Variants in SHISAL1 observed in about 807,000 individuals in gnomAD.
SHISAL1 encodes the protein protein shisa-like-1.
In SHISAL1, 9 loss-of-function variants were observed where a neutral mutation model predicts 22.6. The observed-to-expected ratio is 0.40, with a 90% CI of 0.24 to 0.70. SHISAL1 has a LOEUF of 0.70. Ranked by LOEUF, SHISAL1 falls within the 30% of genes least tolerant of loss-of-function variation. SHISAL1 has a pLI of 0.39. For synonymous variants in SHISAL1, 119 were observed against 115.4 expected, an observed-to-expected ratio of 1.03 and a Z score of -0.20; for missense variants, 246 against 270.6, an observed-to-expected ratio of 0.91 and a Z score of 0.64.
At chr22:44,252,372 A>G (rs2055053884) in intron 4 of SHISAL1, among the ~76,000 whole-genome samples, 1 of 152,186 alleles carries the variant, frequency 6.6e-6, no homozygotes, top group Non-Finnish European at 1.5e-5. Flanking sequence ...AATGTTGTCT[A>G]GAGAAATAAA....
intron 3 of SHISAL1, 74 bp downstream of exon 3, chr22:44,296,598 G>T: frequency 1.5e-6 from 2 of 1,367,696 alleles, no homozygotes; most frequent in East Asian, 4.6e-5. Context: ...CTCCCTAGGG[G>T]ACGCGATTTT....
At chr22:44,287,322 C>A (rs1030487408) in intron 3 of SHISAL1, among the ~76,000 whole-genome samples, 2 of 152,206 alleles carry the variant, frequency 1.3e-5, no homozygotes, top group African/African-American at 4.8e-5. Flanking sequence ...AGGGCTGAGC[C>A]CAGGGCCGGG....
chr22:44,315,185 A>G (rs575122224), upstream of SHISAL1, among the ~76,000 whole-genome samples: 6 of 152,334 alleles, frequency 3.9e-5, no homozygotes, highest in African/African-American at 1.4e-4. Context: ...ACCAGGAAGC[A>G]GGCAGAGACA....
intron 3 of SHISAL1, among the ~76,000 whole-genome samples, chr22:44,292,055 A>G (rs1451830356): frequency 1.3e-5 from 2 of 152,130 alleles, no homozygotes; most frequent in Non-Finnish European, 2.9e-5. Context: ...CCTTCCTGCC[A>G]GGCAGCCAGA....
rs550680738 is a variant in SHISAL1 at position 44,281,769 on chromosome 22, A to G, written c.599+3659T>C. 7.9e-5 allele frequency among the ~76,000 whole-genome samples: 12 copies of G among 152,312 alleles called. No homozygotes were observed. In the East Asian group the frequency reaches 1.9e-3, roughly 24 times the overall value. On this transcript the variant is annotated intron_variant, in intron 4 of 4. Coordinates refer to ENST00000381176, the MANE Select transcript of SHISAL1 (RefSeq NM_001099294.2). ...AGAGAATCTGAGCAAGAAACTTCAC[A>G]GTCTGAGTTCAGTAGCTACTAAGCG...
chr22:44,328,963 T>C, the SHISAL1 span, among the ~76,000 whole-genome samples: 2 of 152,002 alleles, frequency 1.3e-5, no homozygotes, highest in Non-Finnish European at 2.9e-5. Flanking sequence ...GCCCAGAACA[T>C]CTCCCCCTTC....
chr22:44,322,096 C>T, the SHISAL1 span, among the ~76,000 whole-genome samples: 1 of 152,242 alleles, frequency 6.6e-6, no homozygotes, highest in Non-Finnish European at 1.5e-5. Flanking sequence ...GAACAGAAGC[C>T]ACCAGGTCCA....
At chr22:44,296,979 CCTG>C in intron 2 of SHISAL1, 94 bp from the exon 3 acceptor site, 1 of 921,344 alleles carries the variant, frequency 1.1e-6, no homozygotes, top group Non-Finnish European at 1.7e-6. Context: ...TCAGGTCCTG[CCTG>C]CTTCTTCCCT....
At chr22:44,284,017 GC>G (rs2055294230) in intron 4 of SHISAL1, among the ~76,000 whole-genome samples, 2 of 152,028 alleles carry the variant, frequency 1.3e-5, no homozygotes. Context: ...ATCCCCCAGA[GC>G]CTGGCACAAA....
At chr22:44,249,746 T>C in intron 4 of SHISAL1, 61 bp from the exon 5 acceptor site, 1 of 777,024 alleles carries the variant, frequency 1.3e-6, no homozygotes. Flanking sequence ...GACATTTCTC[T>C]CTGGCCTCAG....
At chr22:44,258,312 C>T (rs561009551) in intron 4 of SHISAL1, among the ~76,000 whole-genome samples, 1 of 133,854 alleles carries the variant, frequency 7.5e-6, no homozygotes, top group African/African-American at 2.5e-5. Flanking sequence ...GTCTCAAAAA[C>T]AAACAAACTT....
At chr22:44,263,079 CTTTTT>C (rs922017518) in intron 4 of SHISAL1, among the ~76,000 whole-genome samples, 20 of 88,270 alleles carry the variant, frequency 2.3e-4, no homozygotes, top group South Asian at 1.5e-3. Flanking sequence ...TTCTTTCTTT[CTTTTT>C]TTTTTTTTTT....
intron 4 of SHISAL1, among the ~76,000 whole-genome samples, chr22:44,283,444 T>C (rs946692219): frequency 6.6e-6 from 1 of 152,064 alleles, no homozygotes; most frequent in Non-Finnish European, 1.5e-5. Flanking sequence ...TGTGTGCTTG[T>C]TGGGGAAAAG....
At chr22:44,274,043 C>T (rs2055222119) in intron 4 of SHISAL1, among the ~76,000 whole-genome samples, 1 of 151,310 alleles carries the variant, frequency 6.6e-6, no homozygotes, top group African/African-American at 2.4e-5. Context: ...CATAGTGAAC[C>T]TCCCGGCCCC....
In SHISAL1 at chr22:44,245,667, G is replaced by T. The variant is rs1423532447; in HGVS notation, c.*4018C>A. 5 of 152,288 alleles carry T rather than the reference G, an allele frequency of 3.3e-5. No homozygotes were observed. In the East Asian group the frequency reaches 7.7e-4, roughly 24 times the overall value. 9.4% of individuals were successfully genotyped at this position (152,288 alleles called of 1,614,324 possible). ...TGAGCCAACCTGGACAGCGGCCTGT[G>T]GGGGAGTCAGTGCCAAGCACAGCCA... On this transcript the variant is annotated 3_prime_UTR_variant, in exon 5 of 5. Coordinates refer to ENST00000381176, the MANE Select transcript of SHISAL1 (RefSeq NM_001099294.2).
intron 1 of SHISAL1, among the ~76,000 whole-genome samples, chr22:44,307,886 G>C (rs917822939): frequency 6.6e-6 from 1 of 152,216 alleles, no homozygotes; most frequent in Non-Finnish European, 1.5e-5. Context: ...CCTGCGGGGA[G>C]GGGCTGAGGC....
the SHISAL1 span, among the ~76,000 whole-genome samples, chr22:44,320,453 G>C: frequency 6.6e-6 from 1 of 152,086 alleles, no homozygotes; most frequent in Non-Finnish European, 1.5e-5. Flanking sequence ...CCAGGGCCTT[G>C]GACAGTCCGC....
At chr22:44,292,006 G>A (rs561295767) in intron 3 of SHISAL1, among the ~76,000 whole-genome samples, 18 of 152,328 alleles carry the variant, frequency 1.2e-4, no homozygotes, top group East Asian at 5.8e-4. Context: ...GCATCTCGCC[G>A]TGGTAGTGGG....
chr22:44,325,971 T>G, the SHISAL1 span, among the ~76,000 whole-genome samples: 1 of 151,882 alleles, frequency 6.6e-6, no homozygotes, highest in South Asian at 2.1e-4. Flanking sequence ...TTTCTTTAGT[T>G]CTCCTTCCCT....
Sources: gnomAD v4.1 joint callset for allele counts (sites outside exome capture counted in the v4.1 genomes callset) on GRCh38, gnomAD v4.1.1 for gene constraint, MANE v1.5 for transcripts, NCBI Gene and HGNC (gene_info 2026-07-23, HGNC 2026-07-21) for gene names.